Variants in RFX3 observed in about 807,000 individuals in gnomAD.
RFX3 encodes transcription factor RFX3.
RFX3 carries 14 observed loss-of-function variants against 98.6 expected under a neutral mutation model. The ratio of observed to expected loss-of-function variants is 0.14; its 90% confidence interval spans 0.09 to 0.22. The LOEUF (loss-of-function observed/expected upper bound fraction) is 0.22. Among genes scored for constraint, RFX3 ranks in the 10% least tolerant of loss-of-function variants. RFX3 has a pLI of 1.00. For missense variants in RFX3, 639 were observed against 926.9 expected (o/e 0.69, Z 4.03); for synonymous variants, 383 against 328.4 (o/e 1.17, Z -1.80).
intron 1 of RFX3, among the ~76,000 whole-genome samples, chr9:3,477,305 AC>A (rs1323763684): frequency 2.0e-5 from 3 of 152,140 alleles, no homozygotes; most frequent in Non-Finnish European, 1.5e-5. Flanking sequence ...ATTTCTTCAC[AC>A]GGATTAAAAT....
intron 3 of RFX3, among the ~76,000 whole-genome samples, chr9:3,338,949 C>T (rs985576017): frequency 1.3e-5 from 2 of 151,916 alleles, no homozygotes; most frequent in South Asian, 2.1e-4. Context: ...ATTAGCCGGG[C>T]GTGGTGGCGT....
chr9:3,443,347 G>C (rs1056368353), intron 1 of RFX3, among the ~76,000 whole-genome samples: 1 of 152,084 alleles, frequency 6.6e-6, no homozygotes, highest in South Asian at 2.1e-4. Flanking sequence ...CTGATGCCCT[G>C]CCTCCTACCA....
chr9:3,269,566 G>T (rs1824101657), intron 11 of RFX3, among the ~76,000 whole-genome samples: 1 of 152,068 alleles, frequency 6.6e-6, no homozygotes, highest in Admixed American at 6.6e-5. Context: ...AATAGTTTCA[G>T]CTGCCTCTAA....
At chr9:3,368,555 C>T (rs1373571253) in intron 2 of RFX3, among the ~76,000 whole-genome samples, 3 of 152,074 alleles carry the variant, frequency 2.0e-5, no homozygotes, top group Non-Finnish European at 4.4e-5. Context: ...AATGGTCTTA[C>T]CAATAAGATA....
chr9:3,411,639 C>A (rs1256103798), intron 1 of RFX3, among the ~76,000 whole-genome samples: 1 of 151,584 alleles, frequency 6.6e-6, no homozygotes, highest in African/African-American at 2.4e-5. Context: ...CCACATCCAG[C>A]TAATTTTTGT....
intron 1 of RFX3, among the ~76,000 whole-genome samples, chr9:3,485,108 T>C (rs1850147531): frequency 6.6e-6 from 1 of 151,862 alleles, no homozygotes; most frequent in African/African-American, 2.4e-5. Flanking sequence ...CAAGAGCCTA[T>C]CTCAAAACAA....
At chr9:3,338,311 T>C (rs939875232) in intron 3 of RFX3, among the ~76,000 whole-genome samples, 3 of 152,236 alleles carry the variant, frequency 2.0e-5, no homozygotes, top group African/African-American at 4.8e-5. Context: ...AAAGCATTTA[T>C]TCAGCCATTG....
chr9:3,366,000 G>C lies in RFX3; in HGVS notation c.118-19236C>G, dbSNP rs549454445. 1.3e-4 allele frequency among the ~76,000 whole-genome samples: 19 copies of C among 151,990 alleles called. No individual in the cohort carries two copies. In the South Asian group the frequency reaches 3.5e-3, roughly 28 times the overall value. ...TCTGTGTGGCAGTCAGTGGTGCAGC[G>C]GGCCCTGCTCCACACGCTCACTTGG... On this transcript the variant is annotated intron_variant, in intron 2 of 16. Coordinates refer to ENST00000617270, the MANE Select transcript of RFX3 (RefSeq NM_001282116.2).
intron 1 of RFX3, among the ~76,000 whole-genome samples, chr9:3,435,326 G>A (rs1347971408): frequency 1.3e-5 from 2 of 151,926 alleles, no homozygotes; most frequent in Admixed American, 6.6e-5. Context: ...CAAATACACT[G>A]TACAGCTGTA....
At chr9:3,457,967 A>G (rs371790542) in intron 1 of RFX3, among the ~76,000 whole-genome samples, 37 of 152,306 alleles carry the variant, frequency 2.4e-4, no homozygotes, top group African/African-American at 8.4e-4. Flanking sequence ...CAGAGCAACT[A>G]GCTCAAGCAT....
chr9:3,264,448 G>T (rs1244335422), intron 12 of RFX3, among the ~76,000 whole-genome samples: 1 of 152,094 alleles, frequency 6.6e-6, no homozygotes, highest in Non-Finnish European at 1.5e-5. Context: ...TGAGATGTTT[G>T]AGGACTATTT....
chr9:3,327,190 G>T, intron 4 of RFX3, among the ~76,000 whole-genome samples: 1 of 151,660 alleles, frequency 6.6e-6, no homozygotes, highest in East Asian at 1.9e-4. Context: ...TAATGGCATG[G>T]CATCTCCTAA....
At chr9:3,365,051 C>T (rs1836890236) in intron 2 of RFX3, among the ~76,000 whole-genome samples, 1 of 152,006 alleles carries the variant, frequency 6.6e-6, no homozygotes, top group African/African-American at 2.4e-5. Context: ...CCTGTAATCC[C>T]AGCACTTCGG....
chr9:3,342,458 T>C lies in RFX3; in HGVS notation c.215+4209A>G, dbSNP rs114215885. ...CTAGAACAGATATCCATACAATGCA[T>C]ACTTTTGCATTTTAAAACACTGATT... is the stretch of plus-strand genomic sequence containing the variant. On this transcript the variant is annotated intron_variant, in intron 3 of 16. Coordinates refer to ENST00000617270, the MANE Select transcript of RFX3 (RefSeq NM_001282116.2). Among the ~76,000 whole-genome samples the C allele has an allele frequency of 3.5e-3, 533 of 152,314 alleles. 6 individuals carry two copies. The highest frequency in any genetic ancestry group is 0.012 in the African/African-American group (512 of 41,570).
At chr9:3,505,600 G>A (rs1433173528) in intron 1 of RFX3, among the ~76,000 whole-genome samples, 1 of 149,574 alleles carries the variant, frequency 6.7e-6, no homozygotes, top group Admixed American at 6.7e-5. Flanking sequence ...TTAACAGGAA[G>A]GCCAGCAGCT....
chr9:3,267,032 G>A (rs922708758), intron 11 of RFX3, among the ~76,000 whole-genome samples: 1 of 151,882 alleles, frequency 6.6e-6, no homozygotes, highest in African/African-American at 2.4e-5. Flanking sequence ...AAGATTTTAC[G>A]GTGGTCATAA....
intron 1 of RFX3, among the ~76,000 whole-genome samples, chr9:3,496,300 T>C (rs533111444): frequency 6.6e-6 from 1 of 152,156 alleles, no homozygotes; most frequent in South Asian, 2.1e-4. Context: ...TTTCTATTAC[T>C]GCTCCTGTAA....
At chr9:3,471,125 T>C (rs1360886049) in intron 1 of RFX3, among the ~76,000 whole-genome samples, 2 of 149,988 alleles carry the variant, frequency 1.3e-5, no homozygotes, top group Non-Finnish European at 3.0e-5. Context: ...AAGCACCAAA[T>C]TACTAAACAG....
At chr9:3,469,926 A>G (rs1400243250) in intron 1 of RFX3, among the ~76,000 whole-genome samples, 2 of 152,088 alleles carry the variant, frequency 1.3e-5, no homozygotes, top group Non-Finnish European at 2.9e-5. Flanking sequence ...AGTACACCTA[A>G]CCGACAACTC....
Sources: allele counts gnomAD v4.1 joint callset (sites outside exome capture counted in the v4.1 genomes callset), GRCh38; gene constraint gnomAD v4.1.1; transcripts MANE v1.5; gene names NCBI Gene and HGNC (gene_info 2026-07-23, HGNC 2026-07-21).